Variants in AGPAT5 observed in about 807,000 individuals in gnomAD.
AGPAT5 encodes the protein 1-acylglycerol-3-phosphate O-acyltransferase 5, also known as 1-acyl-sn-glycerol-3-phosphate acyltransferase epsilon.
Under a neutral mutation model 45.6 loss-of-function variants are expected in AGPAT5, and 46 were observed. The observed-to-expected ratio is 1.01, with a 90% CI of 0.80 to 1.29. The LOEUF is 1.29. Among genes scored for constraint, AGPAT5 ranks in the 50% most tolerant of loss-of-function variants. The pLI, the probability that AGPAT5 is intolerant of heterozygous loss-of-function variation, is 0.00. For synonymous variants in AGPAT5, 272 were observed against 167.0 expected, an observed-to-expected ratio of 1.63 and a Z score of -4.85; for missense variants, 673 against 450.7, an observed-to-expected ratio of 1.49 and a Z score of -4.47.
At chr8:6,740,637 C>T (rs909647213) in intron 4 of AGPAT5, among the ~76,000 whole-genome samples, 1 of 151,710 alleles carries the variant, frequency 6.6e-6, no homozygotes, top group Non-Finnish European at 1.5e-5. Flanking sequence ...GCTGAAAGTA[C>T]GAAATTTTTA....
intron 5 of AGPAT5, among the ~76,000 whole-genome samples, chr8:6,743,420 A>G (rs976958700): frequency 6.6e-6 from 1 of 152,202 alleles, no homozygotes; most frequent in Non-Finnish European, 1.5e-5. Flanking sequence ...AACTCAGCAT[A>G]TTGAAGATAG....
intron 2 of AGPAT5, among the ~76,000 whole-genome samples, chr8:6,728,422 T>C (rs1165925279): frequency 6.6e-6 from 1 of 151,190 alleles, no homozygotes; most frequent in Non-Finnish European, 1.5e-5. Context: ...ACAAAGCTTT[T>C]ATATTTTGAC....
chr8:6,744,432 C>G (rs1356670690), intron 5 of AGPAT5, among the ~76,000 whole-genome samples: 1 of 152,210 alleles, frequency 6.6e-6, no homozygotes, highest in Non-Finnish European at 1.5e-5. Flanking sequence ...CCACAGATTT[C>G]TTCTCTTACA....
At chr8:6,710,379 A>G (rs1383419503) in intron 1 of AGPAT5, among the ~76,000 whole-genome samples, 1 of 152,170 alleles carries the variant, frequency 6.6e-6, no homozygotes, top group African/African-American at 2.4e-5. Context: ...GTCTGTTCAA[A>G]TCAAAGGAAG....
intron 5 of AGPAT5, among the ~76,000 whole-genome samples, chr8:6,743,256 C>T (rs534779546): frequency 1.3e-5 from 2 of 152,130 alleles, no homozygotes; most frequent in Non-Finnish European, 1.5e-5. Context: ...TCATGGTGGC[C>T]TTCCTCTAAA....
At chr8:6,739,383 T>C (rs753853400) in intron 4 of AGPAT5, among the ~76,000 whole-genome samples, 2 of 152,156 alleles carry the variant, frequency 1.3e-5, no homozygotes, top group Non-Finnish European at 2.9e-5. Flanking sequence ...TTGGGAAGAA[T>C]TGATATAACA....
In AGPAT5 at chr8:6,759,991, C is replaced by A. The variant is rs1030305121; in HGVS notation, c.*2603C>A. Reference sequence around the variant, plus strand: ...AAAGTGCCGATCTGGCTAACTCTTACACCATACATACTGATAGTTTTTCAT... The same window carrying A: ...AAAGTGCCGATCTGGCTAACTCTTAAACCATACATACTGATAGTTTTTCAT... On this transcript the variant is annotated 3_prime_UTR_variant, in exon 8 of 8. Transcript: ENST00000285518. 1.3e-5 allele frequency among the ~76,000 whole-genome samples: 2 copies of A among 152,206 alleles called. No homozygotes were observed. Among genetic ancestry groups the A allele is most frequent in the African/African-American group, 4.8e-5 (2 of 41,454 alleles).
intron 1 of AGPAT5, 129 bp downstream of exon 1, chr8:6,709,016 C>A (rs1200683094): frequency 1.2e-6 from 1 of 857,250 alleles, no homozygotes; most frequent in South Asian, 1.4e-5. Flanking sequence ...GAGCACGTGC[C>A]GCCTCCCCGC....
chr8:6,741,635 A>T (rs1801247858), intron 4 of AGPAT5, 26 bp from the exon 5 acceptor site: 2 of 1,538,026 alleles, frequency 1.3e-6, no homozygotes, highest in South Asian at 2.5e-5. Flanking sequence ...ACACAAAATA[A>T]ACCAAATTTG....
At chr8:6,731,988 G>T (rs766920157) in intron 3 of AGPAT5, among the ~76,000 whole-genome samples, 14 of 152,172 alleles carry the variant, frequency 9.2e-5, no homozygotes, top group South Asian at 4.1e-4. Flanking sequence ...TACAGAGACT[G>T]CTAAGGTCCC....
intron 4 of AGPAT5, chr8:6,738,466 TAA>T (rs1054988245): frequency 6.6e-5 from 10 of 152,152 alleles, no homozygotes; most frequent in Admixed American, 6.5e-4. Flanking sequence ...ATTACAATAG[TAA>T]CATCAGAGAT....
chr8:6,723,796 C>A (rs772092256), intron 1 of AGPAT5, among the ~76,000 whole-genome samples: 31 of 152,210 alleles, frequency 2.0e-4, no homozygotes, highest in Admixed American at 9.2e-4. Context: ...TTTATGTTAT[C>A]TAAGTGCATT....
At chr8:6,736,113 C>G (rs1433973735) in intron 4 of AGPAT5, among the ~76,000 whole-genome samples, 1 of 152,134 alleles carries the variant, frequency 6.6e-6, no homozygotes, top group Non-Finnish European at 1.5e-5. Context: ...CGGCCCCCCA[C>G]AGTGCTGGGA....
intron 4 of AGPAT5, 100 bp from the exon 5 acceptor site, chr8:6,741,561 G>T: frequency 1.3e-6 from 1 of 746,964 alleles, no homozygotes; most frequent in Non-Finnish European, 2.2e-6. Flanking sequence ...CCTACTGTAG[G>T]AAATACTCTG....
chr8:6,711,940 T>C lies in AGPAT5; in HGVS notation c.219+3053T>C, dbSNP rs144914111. On this transcript the variant is annotated intron_variant, in intron 1 of 7. Coordinates refer to ENST00000285518, the MANE Select transcript of AGPAT5 (RefSeq NM_018361.5). ...GATGATCTCTTCATCTCAAGATCCT[T>C]AATTATAACTGCAAAGAGCCTTTTT... Among the ~76,000 whole-genome samples, 349 of 152,354 alleles carry C rather than the reference T, an allele frequency of 2.3e-3. 1 individual carries two copies. The highest frequency in any genetic ancestry group is 7.8e-3 in the African/African-American group (326 of 41,580).
intron 1 of AGPAT5, among the ~76,000 whole-genome samples, chr8:6,719,587 A>C (rs1309396249): frequency 1.3e-5 from 2 of 152,196 alleles, no homozygotes; most frequent in African/African-American, 4.8e-5. Flanking sequence ...ATCAGACATC[A>C]CCATTATCAG....
At chr8:6,729,372 C>G (rs1162584407) in intron 2 of AGPAT5, among the ~76,000 whole-genome samples, 2 of 147,088 alleles carry the variant, frequency 1.4e-5, no homozygotes, top group South Asian at 4.2e-4. Flanking sequence ...CATTTCCTTC[C>G]TCTGACTCAC....
chr8:6,757,001 T>C (rs1801864567), intron 7 of AGPAT5, among the ~76,000 whole-genome samples, 162 bp from the exon 8 acceptor site: 1 of 152,250 alleles, frequency 6.6e-6, no homozygotes, highest in South Asian at 2.1e-4. Flanking sequence ...TTTAGAAGAC[T>C]AGAAACTTCT....
chr8:6,759,745 C>G lies in AGPAT5; in HGVS notation c.*2357C>G, dbSNP rs1198962349. On this transcript the variant is annotated 3_prime_UTR_variant, in exon 8 of 8. Transcript: ENST00000285518. ...ACATAAAATAGGCTTAATGACTGGCCCTGCATTCTTCACAATATTTTTCCC... is the reference window on the plus strand; with the variant it reads ...ACATAAAATAGGCTTAATGACTGGCGCTGCATTCTTCACAATATTTTTCCC... 6.6e-6 allele frequency: 1 copy of G among 152,050 alleles called. No individual in the cohort carries two copies. Among genetic ancestry groups the G allele is most frequent in the Non-Finnish European group, 1.5e-5 (1 of 68,016 alleles). The allele number at this position is 152,050 out of a possible 1,614,324, so 9.4% of individuals were successfully genotyped here. A position where few individuals can be genotyped will look rare whatever the true frequency, so the allele number is the denominator to read the frequency against.
Sources: allele counts gnomAD v4.1 joint callset (sites outside exome capture counted in the v4.1 genomes callset), GRCh38; gene constraint gnomAD v4.1.1; transcripts MANE v1.5; gene names NCBI Gene and HGNC (gene_info 2026-07-23, HGNC 2026-07-21).